DPYD: variants seen among roughly 807,000 people sequenced by gnomAD.
DPYD encodes dihydropyrimidine dehydrogenase.
A neutral mutation model predicts 116.2 loss-of-function variants in DPYD; 109 were observed. The observed-to-expected ratio is 0.94, with a 90% CI of 0.80 to 1.10. DPYD has a LOEUF of 1.10. Ranked by LOEUF, DPYD falls within the 50% of genes least tolerant of loss-of-function variation. The pLI, the probability that DPYD is intolerant of heterozygous loss-of-function variation, is 0.00. For synonymous variants in DPYD, 440 were observed against 432.0 expected (o/e 1.02, Z -0.23); for missense variants, 1,302 against 1,254.5 (o/e 1.04, Z -0.57).
chr1:97,374,862 C>G (rs1038035797), intron 15 of DPYD, among the ~76,000 whole-genome samples: 6 of 150,716 alleles, frequency 4.0e-5, no homozygotes, highest in African/African-American at 1.5e-4. Flanking sequence ...AACCCCATCT[C>G]TACCAAAATA....
chr1:97,120,306 G>A (rs1652326651), intron 20 of DPYD, among the ~76,000 whole-genome samples: 1 of 152,136 alleles, frequency 6.6e-6, no homozygotes, highest in African/African-American at 2.4e-5. Context: ...AAAAGGATAT[G>A]AATTGAACAT....
intron 18 of DPYD, among the ~76,000 whole-genome samples, chr1:97,273,902 C>A (rs1044457490): frequency 6.6e-6 from 1 of 152,020 alleles, no homozygotes; most frequent in African/African-American, 2.4e-5. Flanking sequence ...AATGTATATG[C>A]AACAAAAAGT....
chr1:97,805,810 A>AT (rs1242449695), intron 3 of DPYD, among the ~76,000 whole-genome samples: 1 of 151,858 alleles, frequency 6.6e-6, no homozygotes, highest in African/African-American at 2.4e-5. Context: ...TAATTGGAAA[A>AT]TTAAGAGAAC....
intron 19 of DPYD, among the ~76,000 whole-genome samples, chr1:97,211,654 T>C (rs1660038607): frequency 1.3e-5 from 2 of 152,140 alleles, no homozygotes; most frequent in South Asian, 4.1e-4. Flanking sequence ...TAAACATTTA[T>C]ACAAAGTATG....
intron 20 of DPYD, among the ~76,000 whole-genome samples, chr1:97,125,130 G>A (rs1427417416): frequency 6.6e-6 from 1 of 152,212 alleles, no homozygotes; most frequent in Middle Eastern, 3.4e-3. Flanking sequence ...CTTTTGGGAA[G>A]TTATCAGTGG....
At chr1:97,504,885 G>C in intron 13 of DPYD, among the ~76,000 whole-genome samples, 1 of 151,432 alleles carries the variant, frequency 6.6e-6, no homozygotes, top group South Asian at 2.1e-4. Context: ...ATTCAGGAAA[G>C]GGGCCGGGGG....
At chr1:97,271,905 T>G (rs1395454640) in intron 18 of DPYD, among the ~76,000 whole-genome samples, 1 of 152,214 alleles carries the variant, frequency 6.6e-6, no homozygotes, top group Non-Finnish European at 1.5e-5. Flanking sequence ...AACTGCAGCT[T>G]CAGTTGCCCT....
intron 12 of DPYD, chr1:97,546,202 G>A (rs1650843418): frequency 2.0e-6 from 3 of 1,530,418 alleles, no homozygotes; most frequent in Non-Finnish European, 1.8e-6. Context: ...AACAAGAACA[G>A]GACAAAACGA....
At chr1:97,539,489 A>G (rs1018547832) in intron 12 of DPYD, among the ~76,000 whole-genome samples, 1 of 151,850 alleles carries the variant, frequency 6.6e-6, no homozygotes. Context: ...TTTGTCTCTC[A>G]ATATATATAT....
At chr1:97,861,392 A>G (rs1320848914) in intron 2 of DPYD, among the ~76,000 whole-genome samples, 1 of 148,998 alleles carries the variant, frequency 6.7e-6, no homozygotes, top group African/African-American at 2.6e-5. Flanking sequence ...ATTTTAAACA[A>G]AAAAAAATAA....
At chr1:97,525,976 AGAGT>A (rs779604432) in intron 12 of DPYD, among the ~76,000 whole-genome samples, 79 of 73,776 alleles carry the variant, frequency 1.1e-3, no homozygotes, top group African/African-American at 1.3e-3. Flanking sequence ...TGGGTAATTA[AGAGT>A]GTGTGTGTGT....
chr1:97,597,525 T>TA (rs1018605938), intron 8 of DPYD, among the ~76,000 whole-genome samples: 3 of 152,206 alleles, frequency 2.0e-5, no homozygotes, highest in African/African-American at 7.2e-5. Flanking sequence ...GGCTAGGCTA[T>TA]AACACCCGTT....
intron 2 of DPYD, among the ~76,000 whole-genome samples, chr1:97,861,555 CTCT>C (rs757066831): frequency 6.6e-6 from 1 of 151,706 alleles, no homozygotes; most frequent in African/African-American, 2.4e-5. Context: ...ATATAAAGTG[CTCT>C]TCAATATCAA....
chr1:97,490,542 TG>T (rs2101902703), intron 13 of DPYD, among the ~76,000 whole-genome samples: 1 of 149,008 alleles, frequency 6.7e-6, no homozygotes, highest in Non-Finnish European at 1.5e-5. Flanking sequence ...ATTTAGAGGC[TG>T]CAGAGAGAAG....
At position 97,612,763 on chromosome 1, in the gene DPYD, G is replaced by A. The variant is rs1015103397; in HGVS notation, c.851-17597C>T. 2.0e-5 allele frequency among the ~76,000 whole-genome samples: 3 copies of A among 151,848 alleles called. No individual in the cohort carries two copies. The South Asian group carries it at 6.2e-4, about 32-fold the overall frequency. On this transcript the variant is annotated intron_variant, in intron 8 of 22. Transcript: ENST00000370192. The stretch of plus-strand genomic sequence containing the variant: ...AAACCTCAGGACAAATTATACCATA[G>A]CAGTTGGGCTTGTTTCTTCAATCCC...
chr1:97,665,198 C>G (rs983935584), intron 8 of DPYD, among the ~76,000 whole-genome samples: 3 of 152,038 alleles, frequency 2.0e-5, no homozygotes, highest in Non-Finnish European at 4.4e-5. Flanking sequence ...TTTCTACAGT[C>G]AACAGGAGAG....
At position 97,672,486 on chromosome 1, in the gene DPYD, T is replaced by C. The variant is rs28455005; in HGVS notation, c.850+6609A>G. Among the ~76,000 whole-genome samples, 804 of 152,258 alleles carry C rather than the reference T, an allele frequency of 5.3e-3. 4 individuals carry two copies. Among genetic ancestry groups the C allele is most frequent in the African/African-American group, 0.018 (755 of 41,554 alleles). ...ACACCGAAGTACTTACAAGTGACAG[T>C]AGATTAAACAATATTACAAATTAAA... On this transcript the variant is annotated intron_variant, in intron 8 of 22. Transcript: ENST00000370192.
chr1:97,573,736 A>G lies in DPYD; in HGVS notation c.1339+24T>C, dbSNP rs760328516. On this transcript the variant is annotated intron_variant, in intron 11 of 22. Coordinates refer to ENST00000370192, the MANE Select transcript of DPYD (RefSeq NM_000110.4). ...CTAAAATAACAGACAATTGCATCAC[A>G]CATTTCAGCTCCCAGCACTGTACCT... The G allele has an allele frequency of 1.1e-5, 17 of 1,613,064 alleles. No individual in the cohort carries two copies. The South Asian group carries it at 1.9e-4, about 18-fold the overall frequency.
At chr1:97,508,675 G>A (rs17377142) in intron 13 of DPYD, among the ~76,000 whole-genome samples, 1,655 of 151,972 alleles carry the variant, frequency 0.011, 13 homozygotes, top group Non-Finnish European at 0.017. Flanking sequence ...AAGTAATATG[G>A]TCCAGAGAGG....
Sources: allele counts gnomAD v4.1 joint callset (sites outside exome capture counted in the v4.1 genomes callset), GRCh38; gene constraint gnomAD v4.1.1; transcripts MANE v1.5; gene names NCBI Gene and HGNC (gene_info 2026-07-23, HGNC 2026-07-21).